The following NID2 variants were observed in gnomAD, a reference collection of about 807,000 sequenced individuals.
NID2 encodes nidogen-2.
In NID2, 83 loss-of-function variants were observed where a neutral mutation model predicts 145.4. The observed-to-expected ratio is 0.57, with a 90% confidence interval of 0.48 to 0.69. NID2 has a LOEUF of 0.69. Among genes scored for constraint, NID2 ranks in the 30% least tolerant of loss-of-function variants. The probability of loss-of-function intolerance (pLI) is 0.00; values close to 1 mark genes in which losing one functional copy is unlikely to be tolerated. For missense variants in NID2, 1,807 were observed against 1,765.7 expected, an observed-to-expected ratio of 1.02 and a Z score of -0.42; for synonymous variants, 739 against 701.3, an observed-to-expected ratio of 1.05 and a Z score of -0.85.
chr14:52,065,074 A>G (rs893456268), intron 2 of NID2, among the ~76,000 whole-genome samples: 4 of 148,724 alleles, frequency 2.7e-5, no homozygotes, highest in African/African-American at 1.0e-4. Flanking sequence ...TGAATTGACA[A>G]ACACTATTTG....
intron 9 of NID2, among the ~76,000 whole-genome samples, chr14:52,035,176 T>C (rs895748520): frequency 1.3e-5 from 2 of 152,204 alleles, no homozygotes; most frequent in South Asian, 4.1e-4. Context: ...GACAGTTCTA[T>C]AGACTGACAA....
At position 52,011,587 on chromosome 14, in the gene NID2, G is replaced by T. The variant is rs545008810; in HGVS notation, c.3517C>A (p.Leu1173Met). The change falls in exon 17 of 22, where the codon CTG (leucine) becomes ATG (methionine). Residue 1173 changes from leucine (L) to methionine (M), a missense_variant. By Grantham distance (15) the Leu-to-Met change is conservative (BLOSUM62 2). Coordinates refer to ENST00000216286, the MANE Select transcript of NID2 (RefSeq NM_007361.4). ...GRTISRAGLE[L>M]GAEPETIVNS... ...ACGATCGTCTCAGGCTCTGCTCCCA[G>T]TTCCAGACCAGCACGGCTGATTGTC... The T allele has an allele frequency of 6.2e-7, 1 of 1,614,160 alleles. No individual in the cohort carries two copies. Among genetic ancestry groups the T allele is most frequent in the South Asian group, 1.1e-5 (1 of 91,080 alleles).
At chr14:52,051,917 C>A (rs1273615734) in intron 5 of NID2, among the ~76,000 whole-genome samples, 1 of 152,210 alleles carries the variant, frequency 6.6e-6, no homozygotes, top group Non-Finnish European at 1.5e-5. Flanking sequence ...TGGCTGGTTC[C>A]TGAAGCCTCC....
intron 12 of NID2, among the ~76,000 whole-genome samples, chr14:52,025,845 A>G (rs552063814): frequency 3.3e-5 from 5 of 152,098 alleles, no homozygotes; most frequent in Admixed American, 2.6e-4. Flanking sequence ...AAGTTTCAAC[A>G]TGAGTTTTGA....
Position 52,028,789 on chromosome 14 carries a change from C to A in NID2, c.2463G>T (p.Leu821Phe). The change falls in exon 11 of 22, where the codon TTG becomes TTT. Residue 821 changes from leucine (L) to phenylalanine (F), a missense_variant. Coordinates refer to ENST00000216286, the MANE Select transcript of NID2 (RefSeq NM_007361.4). ...GGCACTCACACCTGTAGCTTCCAGGCAAGTTGATACATACAGAGTTGGGGC... is the reference window on the plus strand; with the variant it reads ...GGCACTCACACCTGTAGCTTCCAGGAAAGTTGATACATACAGAGTTGGGGC... The part of the protein sequence containing the change: ...RCGPNSVCIN[L>F]PGSYRCECRS... 1 of 1,614,056 alleles carries A rather than the reference C, an allele frequency of 6.2e-7. No homozygotes were observed. Among genetic ancestry groups the A allele is most frequent in the Non-Finnish European group, 8.5e-7 (1 of 1,179,966 alleles).
At chr14:52,007,705 G>C in intron 19 of NID2, 105 bp downstream of exon 19, 1 of 1,037,658 alleles carries the variant, frequency 9.6e-7, no homozygotes, top group East Asian at 2.4e-5. Context: ...ACAGACCAAA[G>C]AAAGGAGATC....
In NID2 at chr14:52,054,131, C is replaced by A; in HGVS notation, c.958G>T (p.Val320Leu). ...YNEDNLDYYDVNEEEAEYLPG... is the reference protein window; with the variant it reads ...YNEDNLDYYDLNEEEAEYLPG... ...AGGTATTCAGCTTCCTCCTCATTCA[C>A]ATCATAGTAATCCAAATTGTCCTCA... Residue 320 changes from valine (V) to leucine (L), a missense_variant, in exon 4 of 22, where the codon GTG (valine) becomes TTG (leucine). Transcript: ENST00000216286. 6.2e-7 allele frequency: 1 copy of A among 1,614,162 alleles called. No homozygotes were observed. Among genetic ancestry groups the A allele is most frequent in the Non-Finnish European group, 8.5e-7 (1 of 1,180,022 alleles).
chr14:52,042,822 T>C lies in NID2; in HGVS notation c.1539A>G (p.Gln513=). The C allele has an allele frequency of 1.2e-6, 2 of 1,614,114 alleles. No homozygotes were observed. The highest frequency in any genetic ancestry group is 1.7e-6 in the Non-Finnish European group (2 of 1,180,010). Residue 513 remains glutamine, a synonymous_variant, in exon 6 of 22, where the codon CAA becomes CAG. Coordinates refer to ENST00000216286, the MANE Select transcript of NID2 (RefSeq NM_007361.4). ...GCTTCCCATTTCCATAAAACTTGGA[T>C]TGGCAGTGGCAGCAGAAGCCAGTGG... ...DYATGFCCHC[Q]SKFYGNGKHC...
Position 52,019,172 on chromosome 14 carries a change from G to A in NID2, c.2917C>T (p.Gln973Ter). 4 of 1,614,166 alleles carry A rather than the reference G, an allele frequency of 2.5e-6. No individual in the cohort carries two copies. The highest frequency in any genetic ancestry group is 3.4e-6 in the Non-Finnish European group (4 of 1,180,014). The change falls in exon 14 of 22, where the codon CAG becomes TAG. Residue 973 changes from glutamine to a stop codon, truncating the protein, a stop_gained. Transcript: ENST00000216286. LOFTEE classifies it high-confidence loss of function. ...CDEQGNFLPL[Q>*]CHGSTGFCWC... ...CAGAAACCAGTGCTGCCATGACACTGTAGGGGCAGGAAGTTGCCCTGCTCG... is the reference window on the plus strand; with the variant it reads ...CAGAAACCAGTGCTGCCATGACACTATAGGGGCAGGAAGTTGCCCTGCTCG...
In NID2 at chr14:52,056,731, G is replaced by A. The variant is rs140139000; in HGVS notation, c.768-2410C>T. Among the ~76,000 whole-genome samples, 8 of 152,264 alleles carry A rather than the reference G, an allele frequency of 5.3e-5. 1 individual carries two copies. The East Asian group carries it at 9.7e-4, about 18-fold the overall frequency. On this transcript the variant is annotated intron_variant, in intron 3 of 21. Transcript: ENST00000216286. ...AGCTTGAACCCAGGAGGCAGAGGTTGCAGTGAACCGAGGTCATGCCACTGC... is the reference window on the plus strand; with the variant it reads ...AGCTTGAACCCAGGAGGCAGAGGTTACAGTGAACCGAGGTCATGCCACTGC...
At chr14:52,015,416 AC>A (rs1891184838) in intron 14 of NID2, 141 bp from the exon 15 acceptor site, 3 of 708,052 alleles carry the variant, frequency 4.2e-6, no homozygotes, top group Non-Finnish European at 7.0e-6. Context: ...GCCCGTGGAC[AC>A]CAAACTTGGG....
chr14:52,060,027 A>G, intron 3 of NID2, 97 bp downstream of exon 3: 4 of 815,780 alleles, frequency 4.9e-6, no homozygotes, highest in Non-Finnish European at 7.5e-6. Flanking sequence ...GAAGCCACCA[A>G]TATATTATGT....
In NID2 at chr14:52,019,313, AG is replaced by A. The variant is rs1397747243; in HGVS notation, c.2795-20del. The A allele has an allele frequency of 2.6e-6, 4 of 1,546,352 alleles. No individual in the cohort carries two copies. The highest frequency in any genetic ancestry group is 3.5e-6 in the Non-Finnish European group (4 of 1,137,750). On this transcript the variant is annotated intron_variant, in intron 13 of 21. Coordinates refer to ENST00000216286, the MANE Select transcript of NID2 (RefSeq NM_007361.4). ...GTGGAGTCTTCCAGGATCAAGGCAG[AG>A]GAAGACACAAAAGAGAAATAGAAGG...
intron 8 of NID2, 88 bp from the exon 9 acceptor site, chr14:52,039,065 A>G: frequency 3.3e-6 from 3 of 920,776 alleles, no homozygotes; most frequent in South Asian, 3.7e-5. Context: ...TTTTTCATCT[A>G]ATTCTTGGAG....
Position 52,067,452 on chromosome 14 carries a change from A to G in NID2, c.534+406T>C, listed in dbSNP as rs553070926. Among the ~76,000 whole-genome samples the G allele has an allele frequency of 5.3e-5, 8 of 152,338 alleles. No homozygotes were observed. In the East Asian group the frequency reaches 1.5e-3, roughly 29 times the overall value. ...GAAAAATGTTTATCAGTGGTGGGAA[A>G]ATGAGTGGTTGTTTTCTTTTTTAAA... On this transcript the variant is annotated intron_variant, in intron 2 of 21. Transcript: ENST00000216286.
chr14:52,056,761 C>T (rs1261878406), intron 3 of NID2, among the ~76,000 whole-genome samples: 1 of 152,104 alleles, frequency 6.6e-6, no homozygotes, highest in Admixed American at 6.5e-5. Context: ...CACTGCACTC[C>T]AGCCTGGATG....
At position 52,068,799 on chromosome 14, in the gene NID2, G is replaced by A. The variant is rs1221181634; in HGVS notation, c.196C>T (p.His66Tyr). ...TTGCTGAATCGGGCTTCGTAGAAGT[G>A]CAGGGGATTCGCCAGCTTCACCACG... ...SAVVKLANPL[H>Y]FYEARFSNLY... The change falls in exon 1 of 22, where the codon CAC becomes TAC. Residue 66 changes from histidine to tyrosine, a missense_variant. Coordinates refer to ENST00000216286, the MANE Select transcript of NID2 (RefSeq NM_007361.4). The A allele has an allele frequency of 5.0e-6, 8 of 1,608,192 alleles. No homozygotes were observed. Among genetic ancestry groups the A allele is most frequent in the Admixed American group, 3.3e-5 (2 of 60,022 alleles).
intron 8 of NID2, among the ~76,000 whole-genome samples, chr14:52,039,700 G>A (rs1001280442): frequency 2.0e-5 from 3 of 152,252 alleles, no homozygotes; most frequent in African/African-American, 7.2e-5. Context: ...AACAGCAGCT[G>A]TGATGGAGGC....
intron 3 of NID2, among the ~76,000 whole-genome samples, chr14:52,057,531 A>G (rs911680799): frequency 6.6e-6 from 1 of 151,790 alleles, no homozygotes; most frequent in Admixed American, 6.6e-5. Context: ...GATGAAACCC[A>G]GTCTCTACGA....
Sources: gnomAD v4.1 joint callset for allele counts (sites outside exome capture counted in the v4.1 genomes callset) on GRCh38, gnomAD v4.1.1 for gene constraint, MANE v1.5 for transcripts, NCBI Gene and HGNC (gene_info 2026-07-23, HGNC 2026-07-21) for gene names.